ADAMTS6: variants seen among roughly 807,000 people sequenced by gnomAD.
The protein encoded by ADAMTS6 is ADAM metallopeptidase with thrombospondin type 1 motif 6.
Under a neutral mutation model 144.3 loss-of-function variants are expected in ADAMTS6, and 23 were observed. The ratio of observed to expected loss-of-function variants is 0.16; its 90% CI spans 0.11 to 0.23. The LOEUF is 0.23. ADAMTS6 is among the 10% of genes least tolerant of loss of function. The pLI, the probability that ADAMTS6 is intolerant of heterozygous loss-of-function variation, is 1.00. For synonymous variants in ADAMTS6, 444 were observed against 457.5 expected, an observed-to-expected ratio of 0.97 and a Z score of 0.38; for missense variants, 999 against 1,379.6, an observed-to-expected ratio of 0.72 and a Z score of 4.37.
intron 16 of ADAMTS6, among the ~76,000 whole-genome samples, chr5:65,225,665 G>A (rs1053751440): frequency 6.6e-6 from 1 of 152,146 alleles, no homozygotes; most frequent in Non-Finnish European, 1.5e-5. Context: ...AAAGTAGGAG[G>A]AGCATGGCTG....
chr5:65,211,342 C>T (rs1756519655), intron 20 of ADAMTS6, among the ~76,000 whole-genome samples: 1 of 152,200 alleles, frequency 6.6e-6, no homozygotes, highest in African/African-American at 2.4e-5. Context: ...TGGCTCACGC[C>T]TGTAATCCTA....
At chr5:65,446,667 T>C (rs1008917061) in intron 7 of ADAMTS6, among the ~76,000 whole-genome samples, 10 of 152,146 alleles carry the variant, frequency 6.6e-5, no homozygotes, top group Non-Finnish European at 1.2e-4. Context: ...TGGATGAACC[T>C]TGAAAACACT....
intron 7 of ADAMTS6, among the ~76,000 whole-genome samples, chr5:65,373,736 G>A (rs182276542): frequency 5.3e-5 from 8 of 152,200 alleles, no homozygotes; most frequent in Middle Eastern, 3.4e-3. Context: ...GAAATAGAGG[G>A]AATCCTCCGT....
At chr5:65,384,869 AG>A (rs1391349850) in intron 7 of ADAMTS6, among the ~76,000 whole-genome samples, 3 of 152,272 alleles carry the variant, frequency 2.0e-5, no homozygotes. Context: ...TATAAGCAAC[AG>A]AAATGTATTG....
chr5:65,188,869 A>C (rs1429585580), intron 21 of ADAMTS6, among the ~76,000 whole-genome samples: 2 of 152,208 alleles, frequency 1.3e-5, no homozygotes, highest in Non-Finnish European at 2.9e-5. Flanking sequence ...ATAATTAAAA[A>C]TTTTATGCTA....
intron 22 of ADAMTS6, among the ~76,000 whole-genome samples, chr5:65,186,588 G>A (rs1483659009): frequency 6.6e-6 from 1 of 152,146 alleles, no homozygotes; most frequent in African/African-American, 2.4e-5. Context: ...GCACTAACAT[G>A]TGTACAACTC....
At chr5:65,450,296 T>A (rs183466782) in intron 7 of ADAMTS6, among the ~76,000 whole-genome samples, 2 of 152,306 alleles carry the variant, frequency 1.3e-5, no homozygotes, top group East Asian at 3.9e-4. Flanking sequence ...ATAAAGTCAA[T>A]TAAAGTAAGT....
intron 7 of ADAMTS6, among the ~76,000 whole-genome samples, chr5:65,408,643 G>T (rs997313593): frequency 6.6e-6 from 1 of 152,142 alleles, no homozygotes; most frequent in African/African-American, 2.4e-5. Context: ...TCTGCACCAA[G>T]CAGACCTAAT....
At chr5:65,217,943 T>C (rs1440836170) in intron 18 of ADAMTS6, among the ~76,000 whole-genome samples, 1 of 152,122 alleles carries the variant, frequency 6.6e-6, no homozygotes, top group African/African-American at 2.4e-5. Context: ...TGACCAGAAC[T>C]GTGCAGAGAC....
intron 9 of ADAMTS6, among the ~76,000 whole-genome samples, chr5:65,306,474 T>C (rs1743949023): frequency 6.6e-6 from 1 of 152,218 alleles, no homozygotes. Context: ...ATAATTTTTT[T>C]TTAAGGCAAA....
At chr5:65,260,893 G>A (rs556453042) in intron 13 of ADAMTS6, among the ~76,000 whole-genome samples, 14 of 151,952 alleles carry the variant, frequency 9.2e-5, no homozygotes, top group African/African-American at 3.4e-4. Flanking sequence ...TATTAATTTT[G>A]TATTAATTTA....
At chr5:65,372,115 G>A (rs994419934) in intron 7 of ADAMTS6, among the ~76,000 whole-genome samples, 10 of 150,350 alleles carry the variant, frequency 6.7e-5, no homozygotes, top group South Asian at 2.1e-4. Flanking sequence ...AAGAGCTCCT[G>A]AAGGAAGCGC....
chr5:65,469,800 T>G (rs72760597), intron 3 of ADAMTS6, among the ~76,000 whole-genome samples: 6,938 of 152,268 alleles, frequency 0.046, 193 homozygotes, highest in Non-Finnish European at 0.068. Flanking sequence ...TATTTTATAT[T>G]GAAACAGAAA....
chr5:65,327,659 G>C (rs1702707034), intron 9 of ADAMTS6, among the ~76,000 whole-genome samples: 1 of 152,080 alleles, frequency 6.6e-6, no homozygotes, highest in South Asian at 2.1e-4. Flanking sequence ...AGAATTGAAA[G>C]GATTTACCTA....
chr5:65,225,173 T>C (rs1358508039), intron 16 of ADAMTS6, 126 bp from the exon 17 acceptor site: 1 of 1,137,832 alleles, frequency 8.8e-7, no homozygotes, highest in Non-Finnish European at 1.2e-6. Flanking sequence ...AGGTAATCCG[T>C]GAATAAAAAC....
At chr5:65,194,342 C>T (rs1162486022) in intron 21 of ADAMTS6, among the ~76,000 whole-genome samples, 1 of 152,204 alleles carries the variant, frequency 6.6e-6, no homozygotes, top group African/African-American at 2.4e-5. Context: ...TGGGCAGCAA[C>T]AGCAATCTGC....
chr5:65,180,137 C>T (rs1042301664), intron 22 of ADAMTS6, among the ~76,000 whole-genome samples: 4 of 152,124 alleles, frequency 2.6e-5, no homozygotes, highest in African/African-American at 7.2e-5. Flanking sequence ...CACATGTACA[C>T]ACATGGATTT....
intron 21 of ADAMTS6, among the ~76,000 whole-genome samples, chr5:65,191,705 A>T (rs1010655650): frequency 2.6e-5 from 4 of 151,990 alleles, no homozygotes; most frequent in Non-Finnish European, 5.9e-5. Context: ...AATAAAAAGA[A>T]TTTTTTTTCA....
chr5:65,239,137 GA>G (rs1758939601), intron 15 of ADAMTS6, among the ~76,000 whole-genome samples: 1 of 151,970 alleles, frequency 6.6e-6, no homozygotes, highest in Non-Finnish European at 1.5e-5. Context: ...GGAGGGGGGA[GA>G]GATAGCATTA....
Sources: gnomAD v4.1 joint callset for allele counts (sites outside exome capture counted in the v4.1 genomes callset) on GRCh38, gnomAD v4.1.1 for gene constraint, MANE v1.5 for transcripts, NCBI Gene and HGNC (gene_info 2026-07-23, HGNC 2026-07-21) for gene names.